Variants in INSYN2B observed in about 807,000 individuals in gnomAD.
INSYN2B encodes inhibitory synaptic factor family member 2B, also known as protein INSYN2B.
INSYN2B carries 16 observed loss-of-function variants against 41.2 expected under a neutral mutation model. That is an observed-to-expected ratio of 0.39 (90% CI 0.26 to 0.59). The LOEUF (loss-of-function observed/expected upper bound fraction) is 0.59. Ranked by LOEUF, INSYN2B falls within the 20% of genes least tolerant of loss-of-function variation. The pLI, the probability that INSYN2B is intolerant of heterozygous loss-of-function variation, is 0.57. For synonymous variants in INSYN2B, 245 were observed against 244.4 expected, an observed-to-expected ratio of 1.00 and a Z score of -0.02; for missense variants, 608 against 646.4, an observed-to-expected ratio of 0.94 and a Z score of 0.64.
intron 1 of INSYN2B, among the ~76,000 whole-genome samples, chr5:169,897,406 G>A (rs1232333283): frequency 2.0e-5 from 3 of 152,060 alleles, no homozygotes; most frequent in East Asian, 1.9e-4. Context: ...GGAAGGGATG[G>A]TCTCGATCTC....
At position 169,882,918 on chromosome 5, in the gene INSYN2B, T is replaced by C; in HGVS notation, c.981A>G (p.Ser327=). ...GATTGTTACTTGATGAAGGACAGTC[T>C]GAGGCTCTTCCTGGGTGGGCTGGCT... ...HSQPAHPGRA[S]DCPSSSNNHQ... Residue 327 remains serine, a synonymous_variant, in exon 2 of 4, where the codon TCA becomes TCG. Coordinates refer to ENST00000377365, the MANE Select transcript of INSYN2B (RefSeq NM_001129891.3). The C allele has an allele frequency of 4.5e-6, 7 of 1,552,042 alleles. No individual in the cohort carries two copies. Among genetic ancestry groups the C allele is most frequent in the Non-Finnish European group, 6.1e-6 (7 of 1,147,030 alleles).
At chr5:169,882,492 C>G in intron 2 of INSYN2B, 61 bp downstream of exon 2, 1 of 1,380,032 alleles carries the variant, frequency 7.2e-7, no homozygotes, top group Admixed American at 2.5e-5. Flanking sequence ...GCTGTCTCTG[C>G]CCCTGTGTTG....
At chr5:169,914,813 G>C (rs548438999) in intron 1 of INSYN2B, among the ~76,000 whole-genome samples, 1 of 152,318 alleles carries the variant, frequency 6.6e-6, no homozygotes, top group East Asian at 1.9e-4. Flanking sequence ...TCATGTACAT[G>C]ATCTGTTGAC....
chr5:169,909,770 G>A (rs892076654), intron 1 of INSYN2B, among the ~76,000 whole-genome samples: 1 of 152,150 alleles, frequency 6.6e-6, no homozygotes, highest in African/African-American at 2.4e-5. Context: ...TACAATCCAA[G>A]ATGATCACTT....
chr5:169,951,308 G>A (rs890530172), intron 1 of INSYN2B, among the ~76,000 whole-genome samples: 3 of 152,160 alleles, frequency 2.0e-5, no homozygotes, highest in Non-Finnish European at 4.4e-5. Flanking sequence ...TTTGTTTCAC[G>A]GACATTCCTT....
In INSYN2B at chr5:169,965,293, C is replaced by T. The variant is rs73800250; in HGVS notation, c.-919+14984G>A. On this transcript the variant is annotated intron_variant, in intron 1 of 3. Coordinates refer to ENST00000377365, the MANE Select transcript of INSYN2B (RefSeq NM_001129891.3). ...TTCTTCAGCTGCGGGCTGGGGCTTG[C>T]AGTTCTTCATTTCTAAGAAGCTCCC... Among the ~76,000 whole-genome samples, 1,027 of 152,336 alleles carry T rather than the reference C, an allele frequency of 6.7e-3. 9 individuals are homozygous for T. Among genetic ancestry groups the T allele is most frequent in the African/African-American group, 0.024 (992 of 41,586 alleles).
At chr5:169,901,060 C>A (rs1310945073) in intron 1 of INSYN2B, among the ~76,000 whole-genome samples, 1 of 151,990 alleles carries the variant, frequency 6.6e-6, no homozygotes, top group Admixed American at 6.5e-5. Context: ...ATGTTGTGAC[C>A]AAAAAATAGA....
chr5:169,938,505 A>C (rs974313040), intron 1 of INSYN2B, among the ~76,000 whole-genome samples: 4 of 152,214 alleles, frequency 2.6e-5, no homozygotes, highest in Non-Finnish European at 1.5e-5. Context: ...GGTAAATGTA[A>C]TGTGTTTTTC....
At chr5:169,874,410 C>CAA (rs34525811) in intron 3 of INSYN2B, among the ~76,000 whole-genome samples, 1,114 of 71,400 alleles carry the variant, frequency 0.016, 30 homozygotes, top group Non-Finnish European at 0.02. Context: ...GACTCTGTCT[C>CAA]AAAAAAAAAA....
intron 1 of INSYN2B, among the ~76,000 whole-genome samples, chr5:169,920,296 ATAT>A (rs1775103105): frequency 6.6e-6 from 1 of 152,194 alleles, no homozygotes; most frequent in Admixed American, 6.5e-5. Context: ...ATAAAATATA[ATAT>A]TATGTAAGAT....
At chr5:169,887,792 T>C (rs992945615) in intron 1 of INSYN2B, among the ~76,000 whole-genome samples, 10 of 152,238 alleles carry the variant, frequency 6.6e-5, no homozygotes, top group Non-Finnish European at 1.0e-4. Flanking sequence ...ATTTCGTTGA[T>C]ACTACCATGT....
intron 1 of INSYN2B, among the ~76,000 whole-genome samples, chr5:169,936,575 C>A (rs948573936): frequency 2.2e-5 from 3 of 138,686 alleles, no homozygotes; most frequent in Non-Finnish European, 4.6e-5. Flanking sequence ...GATTCTCAGA[C>A]TCCTTTTTTT....
At chr5:169,900,662 T>C (rs1773873027) in intron 1 of INSYN2B, among the ~76,000 whole-genome samples, 1 of 152,248 alleles carries the variant, frequency 6.6e-6, no homozygotes. Context: ...TTAGCAGTAT[T>C]ACATGCTTTG....
At chr5:169,978,754 T>G (rs1777828613) in intron 1 of INSYN2B, among the ~76,000 whole-genome samples, 1 of 152,110 alleles carries the variant, frequency 6.6e-6, no homozygotes, top group South Asian at 2.1e-4. Flanking sequence ...TGAAGAGGGT[T>G]CTGTACAGCA....
chr5:169,974,756 A>G (rs115166374), intron 1 of INSYN2B, among the ~76,000 whole-genome samples: 223 of 152,278 alleles, frequency 1.5e-3, no homozygotes, highest in African/African-American at 5.1e-3. Context: ...TGAGGCACAG[A>G]AGCCCATCGT....
chr5:169,902,345 TG>T (rs1192343908), intron 1 of INSYN2B, among the ~76,000 whole-genome samples: 1 of 152,216 alleles, frequency 6.6e-6, no homozygotes, highest in East Asian at 1.9e-4. Flanking sequence ...ATGATCCTCA[TG>T]TTCCCAGTGA....
At position 169,863,805 on chromosome 5, in the gene INSYN2B, C is replaced by T. The variant is rs1771358702; in HGVS notation, c.*468G>A. ...TGTATGCTGATATCTTAGAAAACTG[C>T]CAGTTTATCTCATTTTTTTCTATGG... is the stretch of plus-strand genomic sequence containing the variant. On this transcript the variant is annotated 3_prime_UTR_variant, in exon 4 of 4. Coordinates refer to ENST00000377365, the MANE Select transcript of INSYN2B (RefSeq NM_001129891.3). 6.6e-6 allele frequency among the ~76,000 whole-genome samples: 1 copy of T among 152,170 alleles called. No homozygotes were observed. The highest frequency in any genetic ancestry group is 2.4e-5 in the African/African-American group (1 of 41,434).
At chr5:169,979,163 T>C (rs1777848941) in intron 1 of INSYN2B, among the ~76,000 whole-genome samples, 1 of 152,134 alleles carries the variant, frequency 6.6e-6, no homozygotes, top group Non-Finnish European at 1.5e-5. Flanking sequence ...ACCCCTCTGT[T>C]CCCCATGCAG....
chr5:169,958,111 C>G (rs148414058), intron 1 of INSYN2B, among the ~76,000 whole-genome samples: 2 of 152,116 alleles, frequency 1.3e-5, no homozygotes, highest in African/African-American at 4.8e-5. Flanking sequence ...TGAAACATGA[C>G]GTCCACATGC....
Sources: gnomAD v4.1 joint callset for allele counts (sites outside exome capture counted in the v4.1 genomes callset) on GRCh38, gnomAD v4.1.1 for gene constraint, MANE v1.5 for transcripts, NCBI Gene and HGNC (gene_info 2026-07-23, HGNC 2026-07-21) for gene names.